AUTS2: variants seen among roughly 807,000 people sequenced by gnomAD.
AUTS2 encodes autism susceptibility gene 2 protein.
Under a neutral mutation model 112.4 loss-of-function variants are expected in AUTS2, and 17 were observed. That is an observed-to-expected ratio of 0.15 (90% CI 0.10 to 0.23). AUTS2 has a LOEUF of 0.23. Among genes scored for constraint, AUTS2 ranks in the 10% least tolerant of loss-of-function variants. The probability of loss-of-function intolerance (pLI) is 1.00; values close to 1 mark genes in which losing one functional copy is unlikely to be tolerated. For missense variants in AUTS2, 1,510 were observed against 1,701.6 expected (o/e 0.89, Z 1.98); for synonymous variants, 751 against 702.7 (o/e 1.07, Z -1.09).
intron 4 of AUTS2, among the ~76,000 whole-genome samples, chr7:70,355,029 GGTGTGTGTGTATGTATGT>G (rs907846454): frequency 3.7e-5 from 5 of 135,798 alleles, no homozygotes; most frequent in Admixed American, 7.3e-5. Context: ...TGTGTGTATG[GGTGTGTGTGTATGTATGT>G]GTGTGTGTGT....
chr7:69,602,309 C>T (rs1294474204), intron 1 of AUTS2, among the ~76,000 whole-genome samples: 1 of 151,840 alleles, frequency 6.6e-6, no homozygotes, highest in African/African-American at 2.4e-5. Flanking sequence ...TTTTTTTCTG[C>T]TACTTTTCTA....
chr7:70,423,900 C>T (rs139857314), intron 4 of AUTS2, among the ~76,000 whole-genome samples: 24 of 152,170 alleles, frequency 1.6e-4, no homozygotes, highest in South Asian at 6.2e-4. Flanking sequence ...GGCAATAAAA[C>T]GGTACAAAAA....
chr7:70,306,207 A>C (rs184491497), intron 4 of AUTS2, among the ~76,000 whole-genome samples: 1 of 152,220 alleles, frequency 6.6e-6, no homozygotes, highest in Admixed American at 6.5e-5. Flanking sequence ...CATTGACCCT[A>C]GAGAAGCTTG....
chr7:69,711,966 C>T (rs1798348058), intron 1 of AUTS2, among the ~76,000 whole-genome samples: 1 of 152,134 alleles, frequency 6.6e-6, no homozygotes, highest in African/African-American at 2.4e-5. Flanking sequence ...AGAATAAACA[C>T]AGCAGAATTC....
At chr7:70,661,117 A>C (rs1176379615) in intron 5 of AUTS2, among the ~76,000 whole-genome samples, 1 of 151,700 alleles carries the variant, frequency 6.6e-6, no homozygotes, top group Non-Finnish European at 1.5e-5. Context: ...CGGCATTTGA[A>C]TGGAGATTAG....
intron 4 of AUTS2, among the ~76,000 whole-genome samples, chr7:70,175,274 C>CG (rs1345156503): frequency 3.9e-5 from 6 of 152,288 alleles, no homozygotes; most frequent in Admixed American, 1.3e-4. Flanking sequence ...TGAATTTCTG[C>CG]AATCTCATCA....
chr7:69,904,597 G>C (rs17361825), intron 2 of AUTS2, among the ~76,000 whole-genome samples: 5,351 of 152,248 alleles, frequency 0.035, 132 homozygotes, highest in South Asian at 0.064. Context: ...TTAGATGTCT[G>C]CTGGTACCTT....
At chr7:69,944,942 G>A (rs1331354680) in intron 2 of AUTS2, among the ~76,000 whole-genome samples, 4 of 152,230 alleles carry the variant, frequency 2.6e-5, no homozygotes, top group Middle Eastern at 3.4e-3. Context: ...AGAAGCAGTT[G>A]TATGTAGGTA....
intron 1 of AUTS2, among the ~76,000 whole-genome samples, chr7:69,642,234 C>T (rs1048846828): frequency 2.0e-5 from 3 of 152,012 alleles, no homozygotes; most frequent in African/African-American, 7.3e-5. Flanking sequence ...GGAGTAAAAC[C>T]AAATTACCTG....
chr7:70,117,117 G>GTTTTTTTTTTTTTTTTTTTT (rs60488343), intron 2 of AUTS2, among the ~76,000 whole-genome samples: 1 of 73,094 alleles, frequency 1.4e-5, no homozygotes, highest in African/African-American at 5.8e-5. Flanking sequence ...TTTTTTTTTT[G>GTTTTTTTTTTTTTTTTTTTT]TTTTTTTTTG....
At chr7:70,225,100 T>C (rs1811696243) in intron 4 of AUTS2, among the ~76,000 whole-genome samples, 1 of 152,218 alleles carries the variant, frequency 6.6e-6, no homozygotes, top group Admixed American at 6.5e-5. Flanking sequence ...CTATGTTTCT[T>C]CTCAGTTTAA....
chr7:70,452,896 T>G (rs992680129), intron 5 of AUTS2, among the ~76,000 whole-genome samples: 4 of 152,132 alleles, frequency 2.6e-5, no homozygotes, highest in African/African-American at 9.7e-5. Flanking sequence ...AAGCTCTGGT[T>G]TTCCTTTAGA....
At chr7:70,127,485 T>A (rs1221205943) in intron 3 of AUTS2, among the ~76,000 whole-genome samples, 1 of 152,204 alleles carries the variant, frequency 6.6e-6, no homozygotes, top group African/African-American at 2.4e-5. Flanking sequence ...TTTCCTTATG[T>A]CAGCTTCAAC....
chr7:70,734,726 C>T (rs1026285925), intron 6 of AUTS2, among the ~76,000 whole-genome samples: 5 of 152,150 alleles, frequency 3.3e-5, no homozygotes, highest in Non-Finnish European at 7.3e-5. Flanking sequence ...TAGTTAATGT[C>T]AGCTGTTGTG....
intron 1 of AUTS2, among the ~76,000 whole-genome samples, chr7:69,851,375 A>G (rs1792473623): frequency 6.6e-6 from 1 of 152,174 alleles, no homozygotes; most frequent in African/African-American, 2.4e-5. Context: ...GTATTTACAA[A>G]AATTTTGCAG....
chr7:70,666,638 C>T (rs1018411294), intron 5 of AUTS2, among the ~76,000 whole-genome samples: 1 of 151,724 alleles, frequency 6.6e-6, no homozygotes, highest in African/African-American at 2.4e-5. Context: ...GAAATGTTCA[C>T]GTTTTCCCAC....
At chr7:70,278,482 C>T (rs1480004033) in intron 4 of AUTS2, among the ~76,000 whole-genome samples, 1 of 152,012 alleles carries the variant, frequency 6.6e-6, no homozygotes, top group Non-Finnish European at 1.5e-5. Context: ...ACTTGGGAGG[C>T]TGAGGTGGGA....
chr7:70,359,796 C>G (rs903724040), intron 4 of AUTS2, among the ~76,000 whole-genome samples: 11 of 152,196 alleles, frequency 7.2e-5, no homozygotes, highest in Admixed American at 7.2e-4. Flanking sequence ...ACAGCAGCTT[C>G]TAAAATTAGG....
At chr7:70,162,021 G>A (rs953442374) in intron 4 of AUTS2, among the ~76,000 whole-genome samples, 10 of 151,884 alleles carry the variant, frequency 6.6e-5, no homozygotes, top group Non-Finnish European at 1.0e-4. Flanking sequence ...AAGGATTAAC[G>A]GCCTCTGATG....
Sources: gnomAD v4.1 joint callset for allele counts (sites outside exome capture counted in the v4.1 genomes callset) on GRCh38, gnomAD v4.1.1 for gene constraint, MANE v1.5 for transcripts, NCBI Gene and HGNC (gene_info 2026-07-23, HGNC 2026-07-21) for gene names.